The following STARD13 variants were observed in gnomAD, a reference collection of about 807,000 sequenced individuals.
The protein encoded by STARD13 is StAR related lipid transfer domain containing 13, also known as stAR-related lipid transfer protein 13.
Under a neutral mutation model 106.4 loss-of-function variants are expected in STARD13, and 62 were observed. That is an observed-to-expected ratio of 0.58 (90% CI 0.48 to 0.72). The LOEUF (loss-of-function observed/expected upper bound fraction) is 0.72, where lower values mean the gene tolerates loss of function less well. Among genes scored for constraint, STARD13 ranks in the 30% least tolerant of loss-of-function variants. The probability of loss-of-function intolerance (pLI) is 0.00; values close to 1 mark genes in which losing one functional copy is unlikely to be tolerated. For synonymous variants in STARD13, 565 were observed against 553.0 expected (o/e 1.02, Z -0.31); for missense variants, 1,387 against 1,424.0 (o/e 0.97, Z 0.42).
At chr13:33,248,803 A>G (rs1229243906) in intron 1 of STARD13, among the ~76,000 whole-genome samples, 3 of 152,186 alleles carry the variant, frequency 2.0e-5, no homozygotes, top group Admixed American at 2.0e-4. Flanking sequence ...CACCTGAATT[A>G]CATAATATTT....
chr13:33,508,165 C>A, the STARD13 span, among the ~76,000 whole-genome samples: 4 of 152,192 alleles, frequency 2.6e-5, no homozygotes, highest in East Asian at 7.7e-4. Context: ...ATTCTCACTG[C>A]AAGTGGCTGA....
At chr13:33,444,636 C>G in the STARD13 span, among the ~76,000 whole-genome samples, 1 of 152,034 alleles carries the variant, frequency 6.6e-6, no homozygotes, top group African/African-American at 2.4e-5. Context: ...AGTGTGATAG[C>G]TTACATCTGT....
the STARD13 span, among the ~76,000 whole-genome samples, chr13:33,537,986 A>C: frequency 1.3e-5 from 2 of 151,826 alleles, no homozygotes; most frequent in Non-Finnish European, 2.9e-5. Context: ...CCCCACAAAC[A>C]CCTCTGGAAT....
the STARD13 span, among the ~76,000 whole-genome samples, chr13:33,595,272 A>G: frequency 6.6e-6 from 1 of 152,212 alleles, no homozygotes. Context: ...TTGGGCAAAT[A>G]AAAGTATGTT....
intron 1 of STARD13, among the ~76,000 whole-genome samples, chr13:33,218,515 A>G (rs1477030379): frequency 6.6e-6 from 1 of 152,162 alleles, no homozygotes; most frequent in African/African-American, 2.4e-5. Flanking sequence ...ACCTGGTGCC[A>G]TCTCTACTGA....
the STARD13 span, among the ~76,000 whole-genome samples, chr13:33,459,871 A>T: frequency 6.6e-6 from 1 of 152,200 alleles, no homozygotes; most frequent in Non-Finnish European, 1.5e-5. Flanking sequence ...ACATAGACTT[A>T]TTGCTCCAAT....
At chr13:33,160,012 C>T (rs779126740) in intron 3 of STARD13, among the ~76,000 whole-genome samples, 26 of 152,068 alleles carry the variant, frequency 1.7e-4, no homozygotes, top group Non-Finnish European at 3.4e-4. Context: ...AAGTCAGAGG[C>T]ACTAGAATAG....
At chr13:33,324,031 C>A (rs1272382006) in intron 1 of STARD13, among the ~76,000 whole-genome samples, 1 of 152,194 alleles carries the variant, frequency 6.6e-6, no homozygotes, top group Non-Finnish European at 1.5e-5. Context: ...TGAAATAATT[C>A]TCTGCCAAAG....
the STARD13 span, among the ~76,000 whole-genome samples, chr13:33,634,702 C>T: frequency 4.3e-4 from 64 of 150,224 alleles, no homozygotes; most frequent in Non-Finnish European, 7.5e-4. Context: ...CGCCCTGCCC[C>T]GCCGCCACAC....
the STARD13 span, among the ~76,000 whole-genome samples, chr13:33,374,679 T>C: frequency 6.6e-6 from 1 of 152,144 alleles, no homozygotes; most frequent in Non-Finnish European, 1.5e-5. Context: ...GGAAGATTAA[T>C]GCAATTTTAC....
the STARD13 span, among the ~76,000 whole-genome samples, chr13:33,523,055 ACT>A: frequency 6.6e-6 from 1 of 151,930 alleles, no homozygotes; most frequent in Non-Finnish European, 1.5e-5. Flanking sequence ...ATCTGAAACT[ACT>A]CTCTGCTTTT....
chr13:33,262,800 C>T (rs1049862033), intron 1 of STARD13, among the ~76,000 whole-genome samples: 4 of 152,084 alleles, frequency 2.6e-5, no homozygotes, highest in African/African-American at 9.7e-5. Context: ...GTAAGCCCTG[C>T]CCCTGGATCC....
intron 1 of STARD13, among the ~76,000 whole-genome samples, chr13:33,247,951 G>A (rs1466973157): frequency 6.6e-6 from 1 of 152,218 alleles, no homozygotes; most frequent in Non-Finnish European, 1.5e-5. Flanking sequence ...GGCTTTTCAT[G>A]TGGGTGATTT....
chr13:33,219,569 C>T (rs1594123150), intron 1 of STARD13, among the ~76,000 whole-genome samples: 1 of 137,280 alleles, frequency 7.3e-6, no homozygotes, highest in South Asian at 2.3e-4. Context: ...CAGTGGCTCA[C>T]AGCTGTAATC....
At chr13:33,668,571 T>C in the STARD13 span, among the ~76,000 whole-genome samples, 1 of 152,234 alleles carries the variant, frequency 6.6e-6, no homozygotes, top group Non-Finnish European at 1.5e-5. Flanking sequence ...TGTGCTCCCA[T>C]GTGCCCAAGA....
intron 1 of STARD13, among the ~76,000 whole-genome samples, chr13:33,311,681 C>A (rs1893142414): frequency 6.6e-6 from 1 of 152,202 alleles, no homozygotes; most frequent in East Asian, 1.9e-4. Flanking sequence ...TCTCTCTGTT[C>A]ATTGAGTCAA....
chr13:33,352,772 G>A (rs149216513), upstream of STARD13, among the ~76,000 whole-genome samples: 316 of 152,270 alleles, frequency 2.1e-3, 1 homozygote, highest in Non-Finnish European at 2.9e-3. Context: ...AGATGGAGCC[G>A]CCACAAATGC....
chr13:33,530,984 CT>C, the STARD13 span, among the ~76,000 whole-genome samples: 2 of 152,120 alleles, frequency 1.3e-5, no homozygotes, highest in Non-Finnish European at 2.9e-5. Context: ...CCACCCAAAT[CT>C]CATCTTGAAT....
chr13:33,127,450 C>G lies in STARD13; in HGVS notation c.1845G>C (p.Leu615=), dbSNP rs377159962. The G allele has an allele frequency of 6.2e-7, 1 of 1,602,548 alleles. No individual in the cohort carries two copies. Among genetic ancestry groups the G allele is most frequent in the South Asian group, 1.1e-5 (1 of 90,352 alleles). Residue 615 remains leucine (L), a synonymous_variant, in exon 6 of 14, where the codon CTG becomes CTC. Coordinates refer to ENST00000336934, the MANE Select transcript of STARD13 (RefSeq NM_178006.4). ...ISSQTASQLS[L]LQRFSLLRLT... ...GGCGGAGCAGTGAGAAGCGCTGGAG[C>G]AGGCTCAGCTGGCTGGCCGTCTGGC...
Sources: allele counts gnomAD v4.1 joint callset (sites outside exome capture counted in the v4.1 genomes callset), GRCh38; gene constraint gnomAD v4.1.1; transcripts MANE v1.5; gene names NCBI Gene and HGNC (gene_info 2026-07-23, HGNC 2026-07-21).